The following ADCK2 variants were observed in gnomAD, a reference collection of about 807,000 sequenced individuals.
The protein encoded by ADCK2 is aarF domain containing kinase 2, also known as uncharacterized aarF domain-containing protein kinase 2.
A neutral mutation model predicts 52.3 loss-of-function variants in ADCK2; 37 were observed. The ratio of observed to expected loss-of-function variants is 0.71; its 90% CI spans 0.54 to 0.93. ADCK2 has a LOEUF of 0.93. Ranked by LOEUF, ADCK2 falls within the 40% of genes least tolerant of loss-of-function variation. The probability of loss-of-function intolerance (pLI) is 0.00; values close to 1 mark genes in which losing one functional copy is unlikely to be tolerated. For synonymous variants in ADCK2, 321 were observed against 349.2 expected, an observed-to-expected ratio of 0.92 and a Z score of 0.90; for missense variants, 695 against 798.7, an observed-to-expected ratio of 0.87 and a Z score of 1.56.
At chr7:140,687,323 T>G (rs2130789063) in intron 5 of ADCK2, 82 bp downstream of exon 5, 1 of 1,467,100 alleles carries the variant, frequency 6.8e-7, no homozygotes, top group Non-Finnish European at 9.1e-7. Context: ...CTCAGACCTG[T>G]AATCCCAGCA....
Position 140,674,735 on chromosome 7 carries a change from T to A in ADCK2, c.1058T>A (p.Phe353Tyr), listed in dbSNP as rs770327818. The change falls in exon 2 of 8, where the codon TTT (phenylalanine) becomes TAT (tyrosine). Residue 353 changes from phenylalanine (F) to tyrosine (Y), a missense_variant. By Grantham distance (22) the Phe-to-Tyr change is conservative (BLOSUM62 3). Transcript: ENST00000072869. The surrounding 1 kb of genome is among the most constrained non-coding windows in gnomAD (Gnocchi z 4.6). ...AGCTTGCCTGAGATTGTGGAGGAATTTGAGAAGCTGATGGTCCAACAGGTG... is the reference window on the plus strand; with the variant it reads ...AGCTTGCCTGAGATTGTGGAGGAATATGAGAAGCTGATGGTCCAACAGGTG... ...WLSLPEIVEE[F>Y]EKLMVQQIDL... The A allele has an allele frequency of 6.2e-7, 1 of 1,614,054 alleles. No individual in the cohort carries two copies. The highest frequency in any genetic ancestry group is 1.1e-5 in the South Asian group (1 of 91,068).
Position 140,679,294 on chromosome 7 carries a change from T to C in ADCK2, c.1209+11T>C. 6.2e-7 allele frequency: 1 copy of C among 1,613,648 alleles called. No homozygotes were observed. Among genetic ancestry groups the C allele is most frequent in the Non-Finnish European group, 8.5e-7 (1 of 1,179,710 alleles). On this transcript the variant is annotated intron_variant, in intron 3 of 7. Transcript: ENST00000072869. The stretch of plus-strand genomic sequence containing the variant: ...GTGGAAACGTATGAAGTAAGAGTGA[T>C]GGCTTTGCCTGGCCATACCTTTCAC...
rs113964468 is a variant in ADCK2, at chr7:140,687,932, T to C, written c.1557+691T>C. Reference sequence around the variant, plus strand: ...TTAATGGAGATGGGTTTTGCTATATTGCGCAGGCTGCCTTGGCCTCAAGCC... The same window carrying C: ...TTAATGGAGATGGGTTTTGCTATATCGCGCAGGCTGCCTTGGCCTCAAGCC... On this transcript the variant is annotated intron_variant, in intron 5 of 7. Transcript: ENST00000072869. Among the ~76,000 whole-genome samples, 929 of 151,836 alleles carry C rather than the reference T, an allele frequency of 6.1e-3. 11 individuals carry two copies. The highest frequency in any genetic ancestry group is 0.021 in the African/African-American group (879 of 41,414).
In ADCK2 at chr7:140,673,262, C is replaced by G. The variant is rs1454745309; in HGVS notation, c.-69C>G. On this transcript the variant is annotated 5_prime_UTR_variant, in exon 1 of 8. Transcript: ENST00000072869. This position sits in a 1 kb window ranked among gnomAD's most constrained non-coding sequence, Gnocchi z 6.4. ...GGGTCAGGGCCGGGCTTCGGCTTCA[C>G]CGCAGCCTCGCCTGAGCGGGCGCCT... The G allele has an allele frequency of 2.2e-6, 3 of 1,344,142 alleles. No individual in the cohort carries two copies. Among genetic ancestry groups the G allele is most frequent in the African/African-American group, 3.1e-5 (2 of 64,454 alleles). The allele number at this position is 1,344,142 out of a possible 1,614,324, so 83.3% of individuals were successfully genotyped here.
At chr7:140,677,643 A>G (rs956117230) in intron 2 of ADCK2, among the ~76,000 whole-genome samples, 3 of 152,180 alleles carry the variant, frequency 2.0e-5, no homozygotes, top group Non-Finnish European at 2.9e-5. Context: ...GAGGATATGC[A>G]TAGGTTATAT....
chr7:140,689,565 A>G (rs1377119883), intron 5 of ADCK2, 32 bp from the exon 6 acceptor site: 1 of 1,564,778 alleles, frequency 6.4e-7, no homozygotes, highest in South Asian at 1.2e-5. Context: ...TGCTAGCTCC[A>G]CTCCAAGTCC....
At chr7:140,694,559 G>T (rs900135596) in intron 7 of ADCK2, 104 bp from the exon 8 acceptor site, 30 of 1,094,836 alleles carry the variant, frequency 2.7e-5, no homozygotes, top group Non-Finnish European at 4.0e-5. Context: ...CATCCCGTGG[G>T]CAGGTCTGAG....
intron 4 of ADCK2, among the ~76,000 whole-genome samples, chr7:140,683,282 TAAACAAACAAAC>T (rs3048843): frequency 6.6e-6 from 1 of 152,042 alleles, no homozygotes. Context: ...AGACTCCGTC[TAAACAAACAAAC>T]AAACAAACAA....
At chr7:140,677,189 C>T (rs1003877732) in intron 2 of ADCK2, among the ~76,000 whole-genome samples, 7 of 152,138 alleles carry the variant, frequency 4.6e-5, no homozygotes, top group African/African-American at 1.7e-4. Flanking sequence ...AGGTGGATCA[C>T]TTGAGGTCAG....
At position 140,674,624 on chromosome 7, in the gene ADCK2, G is replaced by T; in HGVS notation, c.947G>T (p.Gly316Val). 2 of 1,613,504 alleles carry T rather than the reference G, an allele frequency of 1.2e-6. No individual in the cohort carries two copies. The highest frequency in any genetic ancestry group is 1.7e-6 in the Non-Finnish European group (2 of 1,179,834). Reference protein sequence around the residue: ...ISVAVKVLHPGLLAQVHMDLL... With the variant: ...ISVAVKVLHPVLLAQVHMDLL... ...TCTTTCTGACAGGTGTTGCACCCTG[G>T]CCTGCTCGCTCAGGTGCATATGGAC... Residue 316 changes from glycine (G) to valine (V), a missense_variant, in exon 2 of 8, where the codon GGC (glycine) becomes GTC (valine). By Grantham distance (109) the Gly-to-Val change is moderately radical. Transcript: ENST00000072869. This position sits in a 1 kb window ranked among gnomAD's most constrained non-coding sequence, Gnocchi z 4.6.
At chr7:140,687,265 A>G in intron 5 of ADCK2, 24 bp downstream of exon 5, 1 of 1,525,698 alleles carries the variant, frequency 6.6e-7, no homozygotes, top group Non-Finnish European at 8.8e-7. Flanking sequence ...GGACCACAGA[A>G]GTTGGGGTGA....
Position 140,694,995 on chromosome 7 carries a change from A to C in ADCK2, c.*192A>C. 7.5e-7 allele frequency: 1 copy of C among 1,335,502 alleles called. No individual in the cohort carries two copies. Among genetic ancestry groups the C allele is most frequent in the Non-Finnish European group, 9.6e-7 (1 of 1,045,602 alleles). 82.7% of individuals were successfully genotyped at this position (1,335,502 alleles called of 1,614,324 possible). On this transcript the variant is annotated 3_prime_UTR_variant, in exon 8 of 8. Transcript: ENST00000072869. ...AAAAGCTTTGGGCCAATTAGGGAGT[A>C]AAAGGAGGGAAGGGGCCTATCCATT... is the stretch of plus-strand genomic sequence containing the variant.
intron 7 of ADCK2, among the ~76,000 whole-genome samples, chr7:140,694,057 C>T (rs760297487): frequency 1.3e-5 from 2 of 152,160 alleles, no homozygotes; most frequent in Admixed American, 6.5e-5. Context: ...GACATGGCTC[C>T]TGCCTATAAT....
At position 140,681,091 on chromosome 7, in the gene ADCK2, TGAAAAG is replaced by T. The variant is rs1307820700; in HGVS notation, c.1263_1268del (p.Arg422_Lys423del). On this transcript the variant is annotated inframe_deletion, in exon 4 of 8. Coordinates refer to ENST00000072869, the MANE Select transcript of ADCK2 (RefSeq NM_052853.4). ...CAGCAGGCAGGAATTCCCGTGGACT[TGAAAAG>T]GAAGATTGCACGGCTGGGGATCAAC... 1.2e-6 allele frequency: 2 copies of T among 1,614,014 alleles called. No individual in the cohort carries two copies. Among genetic ancestry groups the T allele is most frequent in the East Asian group, 2.2e-5 (1 of 44,880 alleles).
intron 4 of ADCK2, among the ~76,000 whole-genome samples, chr7:140,683,218 G>C (rs757379635): frequency 1.3e-5 from 2 of 152,098 alleles, no homozygotes; most frequent in African/African-American, 2.4e-5. Context: ...CCAGGAGGCA[G>C]AGATTGCAGT....
Position 140,672,978 on chromosome 7 carries a change from G to T in ADCK2, c.-353G>T, listed in dbSNP as rs910392974. On this transcript the variant is annotated 5_prime_UTR_variant, in exon 1 of 8. Coordinates refer to ENST00000072869, the MANE Select transcript of ADCK2 (RefSeq NM_052853.4). ...AGCGATCTCATACTGGCCCCTGGGC[G>T]CACGGTGACCCTGCGGCTGCCCGGC... Among the ~76,000 whole-genome samples, 20 of 150,968 alleles carry T rather than the reference G, an allele frequency of 1.3e-4. No individual in the cohort carries two copies. Among genetic ancestry groups the T allele is most frequent in the African/African-American group, 4.8e-4 (20 of 41,326 alleles).
intron 7 of ADCK2, among the ~76,000 whole-genome samples, chr7:140,691,971 TG>T (rs1794716231): frequency 6.6e-6 from 1 of 152,190 alleles, no homozygotes; most frequent in South Asian, 2.1e-4. Flanking sequence ...GTTCCCAGGA[TG>T]GAAGAGGAGA....
rs1257380442 is a variant in ADCK2 at position 140,693,937 on chromosome 7, C to T, written c.1741-726C>T. ...TGTCAGCCAGGATGGTCTCGATCTC[C>T]TGACCTCATGATCCGCCCGCCTCGG... On this transcript the variant is annotated intron_variant, in intron 7 of 7. Coordinates refer to ENST00000072869, the MANE Select transcript of ADCK2 (RefSeq NM_052853.4). The surrounding 1 kb of genome is among the most constrained non-coding windows in gnomAD (Gnocchi z 4.0). Among the ~76,000 whole-genome samples, 4 of 152,056 alleles carry T rather than the reference C, an allele frequency of 2.6e-5. No individual in the cohort carries two copies. Among genetic ancestry groups the T allele is most frequent in the Non-Finnish European group, 1.5e-5 (1 of 68,010 alleles).
chr7:140,674,208 C>T lies in ADCK2; in HGVS notation c.878C>T (p.Ala293Val), dbSNP rs768492335. Residue 293 changes from alanine (A) to valine (V), a missense_variant, in exon 1 of 8, where the codon GCT becomes GTT. Coordinates refer to ENST00000072869, the MANE Select transcript of ADCK2 (RefSeq NM_052853.4). This position sits in a 1 kb window ranked among gnomAD's most constrained non-coding sequence, Gnocchi z 4.6. ...LVGSNAGVSR[A>V]QVPGHQPEAT... Reference sequence around the variant, plus strand: ...GGATCAAATGCAGGGGTGTCTCGGGCTCAGGTCCCTGGCCACCAACCTGAG... The same window carrying T: ...GGATCAAATGCAGGGGTGTCTCGGGTTCAGGTCCCTGGCCACCAACCTGAG... 10 of 1,613,846 alleles carry T rather than the reference C, an allele frequency of 6.2e-6. No homozygotes were observed. The East Asian group carries it at 6.7e-5, about 11-fold the overall frequency.
Sources: allele counts gnomAD v4.1 joint callset (sites outside exome capture counted in the v4.1 genomes callset), GRCh38; gene constraint gnomAD v4.1.1; non-coding constraint Gnocchi (gnomAD v3.1); transcripts MANE v1.5; gene names NCBI Gene and HGNC (gene_info 2026-07-23, HGNC 2026-07-21).